The following IQGAP1 variants were observed in gnomAD, a reference collection of about 807,000 sequenced individuals.
IQGAP1 encodes the protein IQ motif containing GTPase activating protein 1.
IQGAP1 carries 66 observed loss-of-function variants against 215.6 expected under a neutral mutation model. That is an observed-to-expected ratio of 0.31 (90% confidence interval 0.25 to 0.38). The LOEUF (loss-of-function observed/expected upper bound fraction) is 0.38, where lower values mean the gene tolerates loss of function less well. IQGAP1 is among the 10% of genes least tolerant of loss of function. The probability of loss-of-function intolerance (pLI) is 1.00; values close to 1 mark genes in which losing one functional copy is unlikely to be tolerated. For synonymous variants in IQGAP1, 772 were observed against 728.7 expected (o/e 1.06, Z -0.96); for missense variants, 1,712 against 1,997.1 (o/e 0.86, Z 2.72).
In IQGAP1 at chr15:90,486,980, C is replaced by T. The variant is rs924966442; in HGVS notation, c.4051C>T (p.Pro1351Ser). 1 of 1,614,048 alleles carries T rather than the reference C, an allele frequency of 6.2e-7. No individual in the cohort carries two copies. Among genetic ancestry groups the T allele is most frequent in the East Asian group, 2.2e-5 (1 of 44,882 alleles). Residue 1351 changes from proline to serine, a missense_variant, in exon 32 of 38, where the codon CCA becomes TCA. Physicochemically the swap from Pro to Ser is moderately conservative, Grantham distance 74. Transcript: ENST00000268182. ...IGESSGNLND[P>S]NKEALAKTEV... ...GGAAAGCTCTGGCAATTTAAATGAC[C>T]CAAATAAGGAGGCACTGGCTAAGAC...
intron 4 of IQGAP1, among the ~76,000 whole-genome samples, chr15:90,430,579 G>A (rs1965288308): frequency 6.6e-6 from 1 of 152,090 alleles, no homozygotes; most frequent in Non-Finnish European, 1.5e-5. Context: ...GGGGAAAAAC[G>A]GTTGAAGGTT....
intron 1 of IQGAP1, among the ~76,000 whole-genome samples, chr15:90,388,885 C>T (rs1219564824): frequency 6.6e-6 from 1 of 152,146 alleles, no homozygotes; most frequent in Non-Finnish European, 1.5e-5. Context: ...CTGGGCAAGT[C>T]ACTTCAGTTT....
intron 26 of IQGAP1, among the ~76,000 whole-genome samples, chr15:90,479,658 A>T (rs1966028340): frequency 6.6e-6 from 1 of 150,940 alleles, no homozygotes; most frequent in African/African-American, 2.4e-5. Context: ...AGGCAGGAGG[A>T]TAGGTTGAGC....
intron 2 of IQGAP1, among the ~76,000 whole-genome samples, chr15:90,407,245 A>T (rs1470599002): frequency 6.6e-6 from 1 of 152,238 alleles, no homozygotes; most frequent in South Asian, 2.1e-4. Flanking sequence ...TAAAGGGTCT[A>T]CCAATTATGA....
intron 32 of IQGAP1, 129 bp downstream of exon 32, chr15:90,487,218 C>A: frequency 2.3e-6 from 2 of 856,914 alleles, no homozygotes; most frequent in Non-Finnish European, 3.7e-6. Flanking sequence ...ATCCCAGTCA[C>A]CAATCACCTC....
chr15:90,499,827 G>T (rs1246348495), intron 37 of IQGAP1, among the ~76,000 whole-genome samples, 168 bp from the exon 38 acceptor site: 1 of 152,178 alleles, frequency 6.6e-6, no homozygotes, highest in African/African-American at 2.4e-5. Context: ...TTGTGCAGTG[G>T]GTAGTTGCCT....
chr15:90,468,656 C>G (rs1416623695), intron 18 of IQGAP1, among the ~76,000 whole-genome samples: 1 of 151,996 alleles, frequency 6.6e-6, no homozygotes, highest in East Asian at 1.9e-4. Context: ...CATGGTGAAA[C>G]CTCATCTCTG....
rs748028504 is a variant in IQGAP1, at chr15:90,472,874, G to A, written c.2213G>A (p.Arg738Gln). The change falls in exon 19 of 38, where the codon CGA (arginine) becomes CAA (glutamine). Residue 738 changes from arginine to glutamine, a missense_variant. Coordinates refer to ENST00000268182, the MANE Select transcript of IQGAP1 (RefSeq NM_003870.4). The part of the protein sequence containing the change: ...SISGVTAAYN[R>Q]EQLWLANEGL... ...TCTGGGGTGACTGCCGCATATAACCGAGAACAGCTGTGGCTGGCCAATGAA... is the reference window on the plus strand; with the variant it reads ...TCTGGGGTGACTGCCGCATATAACCAAGAACAGCTGTGGCTGGCCAATGAA... 6 of 1,613,524 alleles carry A rather than the reference G, an allele frequency of 3.7e-6. No homozygotes were observed. Among genetic ancestry groups the A allele is most frequent in the Admixed American group, 3.3e-5 (2 of 59,944 alleles).
At chr15:90,475,746 C>CT (rs911529618) in intron 23 of IQGAP1, 1 of 116,990 alleles carries the variant, frequency 8.5e-6, no homozygotes, top group Non-Finnish European at 1.6e-5. Context: ...GAGTGAAACT[C>CT]TATCTCCAAA....
chr15:90,474,011 C>T (rs1329200195), intron 21 of IQGAP1, 44 bp downstream of exon 21: 3 of 1,608,128 alleles, frequency 1.9e-6, no homozygotes, highest in South Asian at 2.2e-5. Flanking sequence ...GCAATTTTGC[C>T]ATATTTTTGG....
At position 90,484,259 on chromosome 15, in the gene IQGAP1, G is replaced by A. The variant is rs1371483171; in HGVS notation, c.3828G>A (p.Gln1276=). The stretch of plus-strand genomic sequence containing the variant: ...CTGCTTGTGATGTCCCAGAGCTTCA[G>A]GATAAATTTAATGTGGATGAGTACT... The part of the protein sequence containing the change: ...FQTACDVPEL[Q]DKFNVDEYSD... Residue 1276 remains glutamine, a synonymous_variant, in exon 30 of 38, where the codon CAG becomes CAA. Transcript: ENST00000268182. 6.2e-7 allele frequency: 1 copy of A among 1,613,880 alleles called. No homozygotes were observed. The highest frequency in any genetic ancestry group is 8.5e-7 in the Non-Finnish European group (1 of 1,179,890).
At chr15:90,441,444 C>G (rs944513110) in intron 7 of IQGAP1, 62 bp from the exon 8 acceptor site, 1 of 1,397,816 alleles carries the variant, frequency 7.2e-7, no homozygotes. Context: ...TTGTGATATA[C>G]ATCCTGTAAT....
At position 90,453,297 on chromosome 15, in the gene IQGAP1, G is replaced by A; in HGVS notation, c.1487+5G>A. ...TGAGGAAGAAAACTGTCAGAGGTGG[G>A]TGTCCAGAGTGAAGGGAATAAATCC... On this transcript the variant is annotated splice_donor_5th_base_variant and intron_variant, in intron 13 of 37. Coordinates refer to ENST00000268182, the MANE Select transcript of IQGAP1 (RefSeq NM_003870.4). The A allele has an allele frequency of 6.2e-7, 1 of 1,606,390 alleles. No individual in the cohort carries two copies. Among genetic ancestry groups the A allele is most frequent in the Non-Finnish European group, 8.5e-7 (1 of 1,175,868 alleles).
intron 2 of IQGAP1, among the ~76,000 whole-genome samples, chr15:90,408,369 G>A (rs139091763): frequency 1.3e-5 from 2 of 151,930 alleles, no homozygotes; most frequent in Non-Finnish European, 2.9e-5. Context: ...GGAGTAATAC[G>A]GTCCCTAAGC....
At chr15:90,415,218 A>G (rs1438934167) in intron 2 of IQGAP1, among the ~76,000 whole-genome samples, 17 of 152,194 alleles carry the variant, frequency 1.1e-4, no homozygotes, top group Admixed American at 3.9e-4. Flanking sequence ...GGCTATATGT[A>G]TATTTTATGA....
At chr15:90,391,060 A>AC (rs1365353463) in intron 2 of IQGAP1, 187 bp downstream of exon 2, 2 of 494,370 alleles carry the variant, frequency 4.0e-6, no homozygotes, top group East Asian at 3.5e-5. Flanking sequence ...ACATAGTGAC[A>AC]CCCCATCTCT....
At chr15:90,395,909 A>G (rs1964711884) in intron 2 of IQGAP1, among the ~76,000 whole-genome samples, 1 of 152,180 alleles carries the variant, frequency 6.6e-6, no homozygotes, top group Non-Finnish European at 1.5e-5. Flanking sequence ...AGTTTCAGAC[A>G]ATTCCTGGTG....
At chr15:90,450,330 C>CTTTTTTTTTTTTTTTT (rs869037347) in intron 11 of IQGAP1, among the ~76,000 whole-genome samples, 3 of 54,424 alleles carry the variant, frequency 5.5e-5, no homozygotes, top group Non-Finnish European at 9.6e-5. Flanking sequence ...TATACACTAC[C>CTTTTTTTTTTTTTTTT]TTTTTTTTTT....
chr15:90,417,006 C>T (rs11852977), intron 2 of IQGAP1, among the ~76,000 whole-genome samples: 1 of 152,078 alleles, frequency 6.6e-6, no homozygotes, highest in Non-Finnish European at 1.5e-5. Flanking sequence ...GCATAAATGT[C>T]TTCTTTTGCA....
Sources: gnomAD v4.1 joint callset for allele counts (sites outside exome capture counted in the v4.1 genomes callset) on GRCh38, gnomAD v4.1.1 for gene constraint, MANE v1.5 for transcripts, NCBI Gene and HGNC (gene_info 2026-07-23, HGNC 2026-07-21) for gene names.